The following TMEFF2 variants were observed in gnomAD, a reference collection of about 807,000 sequenced individuals.
TMEFF2 encodes transmembrane protein with EGF like and two follistatin like domains 2.
A neutral mutation model predicts 53.8 loss-of-function variants in TMEFF2; 28 were observed. That is an observed-to-expected ratio of 0.52 (90% CI 0.39 to 0.71). TMEFF2 has a LOEUF of 0.71. Among genes scored for constraint, TMEFF2 ranks in the 30% least tolerant of loss-of-function variants. The pLI, the probability that TMEFF2 is intolerant of heterozygous loss-of-function variation, is 0.00. For synonymous variants in TMEFF2, 162 were observed against 166.3 expected (o/e 0.97, Z 0.20); for missense variants, 353 against 455.2 (o/e 0.78, Z 2.04).
At chr2:191,986,581 C>T (rs67577624) in intron 7 of TMEFF2, among the ~76,000 whole-genome samples, 11,944 of 148,806 alleles carry the variant, frequency 0.08, 637 homozygotes, top group Non-Finnish European at 0.12. Context: ...TAAGTGGGGC[C>T]GAGTGTGGTA....
At chr2:192,075,332 T>TATATATATATATATATACACAC (rs796267672) in intron 4 of TMEFF2, among the ~76,000 whole-genome samples, 1 of 88,148 alleles carries the variant, frequency 1.1e-5, no homozygotes, top group African/African-American at 4.1e-5. Context: ...TATATATATA[T>TATATATATATATATATACACAC]ACATACATAC....
At chr2:191,954,817 A>G (rs1368581883) in intron 8 of TMEFF2, among the ~76,000 whole-genome samples, 2 of 152,204 alleles carry the variant, frequency 1.3e-5, no homozygotes, top group Non-Finnish European at 2.9e-5. Flanking sequence ...AAGCTCAGGT[A>G]GACAATCTAC....
chr2:192,068,398 T>A (rs1451833633), intron 4 of TMEFF2, among the ~76,000 whole-genome samples: 1 of 151,806 alleles, frequency 6.6e-6, no homozygotes, highest in Non-Finnish European at 1.5e-5. Context: ...CAAAACAGCA[T>A]AACAAAAACA....
chr2:192,089,698 A>C (rs917202753), intron 4 of TMEFF2, among the ~76,000 whole-genome samples: 2 of 152,160 alleles, frequency 1.3e-5, no homozygotes, highest in African/African-American at 4.8e-5. Flanking sequence ...ACCAGGCTTC[A>C]GACCAAGTTA....
At chr2:191,950,450 A>AC in intron 9 of TMEFF2, 43 bp from the exon 10 acceptor site, 2 of 1,613,914 alleles carry the variant, frequency 1.2e-6, no homozygotes, top group Non-Finnish European at 1.7e-6. Context: ...CAATGCTATT[A>AC]CCTAAAGTTT....
intron 4 of TMEFF2, among the ~76,000 whole-genome samples, chr2:192,147,489 C>G (rs1690282211): frequency 6.6e-6 from 1 of 151,710 alleles, no homozygotes; most frequent in Non-Finnish European, 1.5e-5. Context: ...ACTCCCCCCA[C>G]CCCACAACAG....
intron 4 of TMEFF2, among the ~76,000 whole-genome samples, chr2:192,136,041 A>G (rs1289490312): frequency 6.6e-6 from 1 of 152,060 alleles, no homozygotes; most frequent in African/African-American, 2.4e-5. Flanking sequence ...ACCTGCACCC[A>G]GGTGAAATAA....
chr2:192,117,206 T>A (rs1184717238), intron 4 of TMEFF2, among the ~76,000 whole-genome samples: 9 of 152,048 alleles, frequency 5.9e-5, no homozygotes, highest in Non-Finnish European at 1.3e-4. Flanking sequence ...TCTCTCAGAG[T>A]TATGAATAGC....
intron 1 of TMEFF2, among the ~76,000 whole-genome samples, chr2:192,193,757 TAGATAGAGAGAGAGAG>T (rs1172606542): frequency 6.4e-4 from 17 of 26,672 alleles, no homozygotes; most frequent in South Asian, 2.1e-3. Flanking sequence ...GAGAGATAGA[TAGATAGAGAGAGAGAG>T]AGAGAGAGAG....
At chr2:192,009,563 A>G (rs1686578704) in intron 5 of TMEFF2, among the ~76,000 whole-genome samples, 1 of 152,146 alleles carries the variant, frequency 6.6e-6, no homozygotes, top group South Asian at 2.1e-4. Context: ...TCATGATTAT[A>G]TCAATCTTTT....
intron 4 of TMEFF2, among the ~76,000 whole-genome samples, chr2:192,092,413 A>C (rs1371282335): frequency 6.6e-6 from 1 of 152,154 alleles, no homozygotes; most frequent in East Asian, 1.9e-4. Context: ...TTTAAAAAGA[A>C]ATCTGGTGAC....
chr2:192,053,938 T>C (rs1304928402), intron 5 of TMEFF2, among the ~76,000 whole-genome samples: 1 of 152,222 alleles, frequency 6.6e-6, no homozygotes, highest in African/African-American at 2.4e-5. Context: ...ACAAGGTATG[T>C]AAATGAAAAT....
chr2:192,013,237 A>G (rs1479005067), intron 5 of TMEFF2, among the ~76,000 whole-genome samples: 1 of 152,066 alleles, frequency 6.6e-6, no homozygotes, highest in Non-Finnish European at 1.5e-5. Context: ...TCAATCTTAT[A>G]CACTCTTTCC....
Position 191,956,342 on chromosome 2 carries a change from TG to T in TMEFF2, c.781del (p.His261ThrfsTer61). 6.2e-7 allele frequency: 1 copy of T among 1,613,878 alleles called. No homozygotes were observed. Among genetic ancestry groups the T allele is most frequent in the Non-Finnish European group, 8.5e-7 (1 of 1,179,902 alleles). ...ANKLEESARE[H>X]HIPCPEHYNG... Reference sequence around the variant, plus strand: ...GTAATGTTCCGGACAAGGTATGTGGTGTTCTCTGGCACTTTCTTCTAATTTG... The same window carrying T: ...GTAATGTTCCGGACAAGGTATGTGGTTTCTCTGGCACTTTCTTCTAATTTG... On this transcript the variant is annotated frameshift_variant, in exon 8 of 10. Coordinates refer to ENST00000272771, the MANE Select transcript of TMEFF2 (RefSeq NM_016192.4). LOFTEE classifies it high-confidence loss of function.
At position 191,950,280 on chromosome 2, in the gene TMEFF2, G is replaced by T; in HGVS notation, c.*31C>A. On this transcript the variant is annotated 3_prime_UTR_variant, in exon 10 of 10. Coordinates refer to ENST00000272771, the MANE Select transcript of TMEFF2 (RefSeq NM_016192.4). ...ACTGTATTGTGTAGTCCAAGCTCTC[G>T]GTAGTCCAGCCACTGTGAAACATGC... is the stretch of plus-strand genomic sequence containing the variant. 1 of 1,612,768 alleles carries T rather than the reference G, an allele frequency of 6.2e-7. No individual in the cohort carries two copies. Among genetic ancestry groups the T allele is most frequent in the South Asian group, 1.1e-5 (1 of 90,978 alleles).
intron 5 of TMEFF2, among the ~76,000 whole-genome samples, chr2:192,005,001 A>G (rs978610930): frequency 6.6e-6 from 1 of 152,168 alleles, no homozygotes; most frequent in Non-Finnish European, 1.5e-5. Flanking sequence ...CACTGCGATT[A>G]CATAGATCTC....
At chr2:191,983,333 A>T (rs1685899573) in intron 7 of TMEFF2, among the ~76,000 whole-genome samples, 1 of 151,100 alleles carries the variant, frequency 6.6e-6, no homozygotes, top group Non-Finnish European at 1.5e-5. Context: ...TACAAGGATG[A>T]TCATTTTCTT....
At chr2:192,147,035 T>C (rs1461077970) in intron 4 of TMEFF2, among the ~76,000 whole-genome samples, 1 of 152,126 alleles carries the variant, frequency 6.6e-6, no homozygotes, top group Non-Finnish European at 1.5e-5. Flanking sequence ...ACTCAGTCTA[T>C]AAATAGATGA....
intron 4 of TMEFF2, among the ~76,000 whole-genome samples, chr2:192,098,719 G>T (rs1377394825): frequency 2.6e-5 from 4 of 152,066 alleles, no homozygotes. Context: ...TTCTCTCCTG[G>T]GTAAAATGGT....
Sources: gnomAD v4.1 joint callset for allele counts (sites outside exome capture counted in the v4.1 genomes callset) on GRCh38, gnomAD v4.1.1 for gene constraint, MANE v1.5 for transcripts, NCBI Gene and HGNC (gene_info 2026-07-23, HGNC 2026-07-21) for gene names.